ALOX5: variants seen among roughly 807,000 people sequenced by gnomAD.
The protein encoded by ALOX5 is polyunsaturated fatty acid 5-lipoxygenase.
ALOX5 carries 64 observed loss-of-function variants against 87.9 expected under a neutral mutation model. That is an observed-to-expected ratio of 0.73 (90% CI 0.60 to 0.90). The LOEUF (loss-of-function observed/expected upper bound fraction) is 0.90. ALOX5 is among the 40% of genes least tolerant of loss of function. The pLI is 0.00. For missense variants in ALOX5, 822 were observed against 907.5 expected (o/e 0.91, Z 1.21); for synonymous variants, 388 against 355.1 (o/e 1.09, Z -1.04).
intron 6 of ALOX5, among the ~76,000 whole-genome samples, chr10:45,426,733 T>G (rs1841717697): frequency 6.6e-6 from 1 of 152,226 alleles, no homozygotes; most frequent in South Asian, 2.1e-4. Context: ...CTAACTCATT[T>G]GGGACCAGGG....
intron 5 of ALOX5, 74 bp from the exon 6 acceptor site, chr10:45,424,886 T>C: frequency 6.4e-7 from 1 of 1,561,894 alleles, no homozygotes; most frequent in Non-Finnish European, 8.7e-7. Context: ...TGCTCTTAGG[T>C]GAGGTCAGGA....
intron 6 of ALOX5, chr10:45,428,380 C>A: frequency 1.8e-6 from 1 of 564,920 alleles, no homozygotes. Context: ...TTTCAGACAC[C>A]ACAAATGCCG....
chr10:45,417,123 GGCCCCTGAGT>G (rs1266716944), intron 4 of ALOX5, among the ~76,000 whole-genome samples: 3 of 152,032 alleles, frequency 2.0e-5, no homozygotes, highest in Admixed American at 6.5e-5. Context: ...TGACCCACCT[GGCCCCTGAGT>G]GCCCCTGAGT....
At chr10:45,391,101 T>C (rs1840225567) in intron 2 of ALOX5, among the ~76,000 whole-genome samples, 1 of 47,398 alleles carries the variant, frequency 2.1e-5, no homozygotes, top group Non-Finnish European at 3.8e-5. Flanking sequence ...CTCCCCACGG[T>C]CTCCCTCTCC....
intron 5 of ALOX5, 54 bp downstream of exon 5, chr10:45,424,201 C>T: frequency 6.9e-7 from 1 of 1,451,354 alleles, no homozygotes; most frequent in African/African-American, 1.4e-5. Context: ...ATGCTGCTCT[C>T]CTGTCTGATA....
chr10:45,395,863 G>T lies in ALOX5; in HGVS notation c.358G>T (p.Ala120Ser), dbSNP rs144260980. 113 of 1,614,028 alleles carry T rather than the reference G, an allele frequency of 7.0e-5. No homozygotes were observed. Among genetic ancestry groups the T allele is most frequent in the Non-Finnish European group, 8.9e-5 (105 of 1,180,038 alleles). ...VVLRDGRAKL[A>S]RDDQIHILKQ... is the part of the protein sequence containing the mutation. ...TTGTTCTTTCTTTACAGCAAAGTTG[G>T]CCCGAGATGACCAAATTCACATTCT... Residue 120 changes from alanine to serine, a missense_variant, in exon 3 of 14, where the codon GCC (alanine) becomes TCC (serine). Transcript: ENST00000374391.
rs1279512530 is a variant in ALOX5, at chr10:45,427,471, A to G, written c.835-1147A>G. Among the ~76,000 whole-genome samples, 5 of 152,170 alleles carry G rather than the reference A, an allele frequency of 3.3e-5. No individual in the cohort carries two copies. In the East Asian group the frequency reaches 7.7e-4, roughly 23 times the overall value. On this transcript the variant is annotated intron_variant, in intron 6 of 13. Coordinates refer to ENST00000374391, the MANE Select transcript of ALOX5 (RefSeq NM_000698.5). ...TCATCCCTGGTGTCACACCACATAA[A>G]GGAGGAGGGCGGTGGCCAGGCTCCG...
intron 7 of ALOX5, among the ~76,000 whole-genome samples, chr10:45,437,430 A>G (rs1842092542): frequency 6.6e-6 from 1 of 151,892 alleles, no homozygotes; most frequent in African/African-American, 2.4e-5. Context: ...TTTTTTTGTT[A>G]AGGAGTAAAT....
chr10:45,424,199 C>T (rs746334217), intron 5 of ALOX5, 52 bp downstream of exon 5: 2 of 1,459,786 alleles, frequency 1.4e-6, no homozygotes, highest in African/African-American at 1.4e-5. Flanking sequence ...GGATGCTGCT[C>T]TCCTGTCTGA....
chr10:45,425,765 C>T lies in ALOX5; in HGVS notation c.834+633C>T, dbSNP rs1458076376. ...CAGGCGCTGGCCCATCAGCCTGCCT[C>T]TTCCCCATGGATCCAGCGTGATGGG... On this transcript the variant is annotated intron_variant, in intron 6 of 13. Transcript: ENST00000374391. This position sits in a 1 kb window ranked among gnomAD's most constrained non-coding sequence, Gnocchi z 4.4. 3.3e-5 allele frequency among the ~76,000 whole-genome samples: 5 copies of T among 152,238 alleles called. No homozygotes were observed. The highest frequency in any genetic ancestry group is 1.2e-4 in the African/African-American group (5 of 41,468).
At chr10:45,382,010 A>T (rs1174247713) in intron 1 of ALOX5, among the ~76,000 whole-genome samples, 1 of 152,254 alleles carries the variant, frequency 6.6e-6, no homozygotes, top group Non-Finnish European at 1.5e-5. Context: ...TTTCTTTAAT[A>T]CAAGTTGTAC....
rs1840198386 is a variant in ALOX5 at position 45,390,924 on chromosome 10, A to C, written c.350-4931A>C. Among the ~76,000 whole-genome samples, 3 of 152,252 alleles carry C rather than the reference A, an allele frequency of 2.0e-5. No individual in the cohort carries two copies. The South Asian group carries it at 6.2e-4, about 32-fold the overall frequency. The stretch of plus-strand genomic sequence containing the variant: ...AGGAGCTGATTTTTTGAAAGGATCA[A>C]CAAAATTGATAGACTGCTAGCAAGA... On this transcript the variant is annotated intron_variant, in intron 2 of 13. Transcript: ENST00000374391.
At chr10:45,409,288 C>T (rs1246954067) in intron 3 of ALOX5, among the ~76,000 whole-genome samples, 2 of 151,562 alleles carry the variant, frequency 1.3e-5, no homozygotes, top group Non-Finnish European at 2.9e-5. Flanking sequence ...GGTTTAGGGG[C>T]TGCCCTATTC....
intron 3 of ALOX5, among the ~76,000 whole-genome samples, chr10:45,411,125 G>A (rs4949001): frequency 0.22 from 32,810 of 152,110 alleles, 4,656 homozygotes; most frequent in East Asian, 0.45. Context: ...TTTGTAAACT[G>A]TCATGGCACT....
intron 7 of ALOX5, among the ~76,000 whole-genome samples, chr10:45,433,908 G>A (rs1220606901): frequency 6.6e-6 from 1 of 152,174 alleles, no homozygotes; most frequent in African/African-American, 2.4e-5. Context: ...TTTGGTGGGG[G>A]TCTGGGTTTC....
intron 1 of ALOX5, among the ~76,000 whole-genome samples, chr10:45,378,501 T>C (rs1275152943): frequency 1.3e-5 from 2 of 152,200 alleles, no homozygotes; most frequent in African/African-American, 2.4e-5. Flanking sequence ...CCCACCATAA[T>C]TCAGTGTGTC....
intron 3 of ALOX5, among the ~76,000 whole-genome samples, chr10:45,398,449 CTT>C (rs1185995657): frequency 1.3e-5 from 2 of 152,152 alleles, no homozygotes; most frequent in Non-Finnish European, 2.9e-5. Context: ...ACAAAGGACT[CTT>C]GATATGACAC....
At chr10:45,377,246 A>T (rs568752110) in intron 1 of ALOX5, among the ~76,000 whole-genome samples, 20 of 152,274 alleles carry the variant, frequency 1.3e-4, no homozygotes, top group African/African-American at 4.1e-4. Context: ...ATGGGAATAT[A>T]TTAGTGGAGC....
chr10:45,419,414 G>C (rs1841421642), intron 4 of ALOX5, among the ~76,000 whole-genome samples: 1 of 152,132 alleles, frequency 6.6e-6, no homozygotes, highest in Non-Finnish European at 1.5e-5. Context: ...AGAAGCTGAC[G>C]AGTGACTCCC....
Sources: gnomAD v4.1 joint callset for allele counts (sites outside exome capture counted in the v4.1 genomes callset) on GRCh38, gnomAD v4.1.1 for gene constraint, Gnocchi (gnomAD v3.1) non-coding constraint, MANE v1.5 for transcripts, NCBI Gene and HGNC (gene_info 2026-07-23, HGNC 2026-07-21) for gene names.